ADAM23: variants seen among roughly 807,000 people sequenced by gnomAD.
The protein encoded by ADAM23 is disintegrin and metalloproteinase domain-containing protein 23.
In ADAM23, 33 loss-of-function variants were observed where a neutral mutation model predicts 120.1. That is an observed-to-expected ratio of 0.27 (90% CI 0.21 to 0.37). The LOEUF (loss-of-function observed/expected upper bound fraction) is 0.37. Among genes scored for constraint, ADAM23 ranks in the 10% least tolerant of loss-of-function variants. The pLI is 1.00. For synonymous variants in ADAM23, 367 were observed against 375.2 expected (o/e 0.98, Z 0.25); for missense variants, 862 against 1,058.2 (o/e 0.81, Z 2.57).
intron 21 of ADAM23, among the ~76,000 whole-genome samples, chr2:206,590,919 A>G (rs1329446783): frequency 6.6e-6 from 1 of 152,210 alleles, no homozygotes; most frequent in Non-Finnish European, 1.5e-5. Flanking sequence ...CATGACCTCA[A>G]AAAGTTTGAG....
At chr2:206,555,124 G>T (rs1034625459) in intron 9 of ADAM23, among the ~76,000 whole-genome samples, 1 of 151,992 alleles carries the variant, frequency 6.6e-6, no homozygotes, top group Non-Finnish European at 1.5e-5. Context: ...CTTTAAACTC[G>T]TTATTCCCTA....
intron 2 of ADAM23, among the ~76,000 whole-genome samples, chr2:206,456,338 C>T (rs1559214805): frequency 1.3e-5 from 2 of 152,068 alleles, no homozygotes; most frequent in Non-Finnish European, 2.9e-5. Flanking sequence ...GGGAAATCCA[C>T]CCCCGAGATC....
intron 24 of ADAM23, among the ~76,000 whole-genome samples, chr2:206,600,156 C>T (rs572655106): frequency 3.9e-5 from 6 of 152,208 alleles, no homozygotes; most frequent in African/African-American, 1.2e-4. Flanking sequence ...GAGCTGAGAT[C>T]GCGACACTGC....
At chr2:206,461,306 C>T (rs1695414021) in intron 2 of ADAM23, among the ~76,000 whole-genome samples, 1 of 152,114 alleles carries the variant, frequency 6.6e-6, no homozygotes, top group African/African-American at 2.4e-5. Flanking sequence ...AAGTGACCCA[C>T]CTGCCTTGGC....
At chr2:206,562,162 C>A in intron 12 of ADAM23, 41 bp from the exon 13 acceptor site, 1 of 1,535,770 alleles carries the variant, frequency 6.5e-7, no homozygotes, top group South Asian at 1.1e-5. Context: ...TTTGTGCACT[C>A]TCTCAAATGT....
chr2:206,510,100 T>C (rs1487934939), intron 3 of ADAM23, among the ~76,000 whole-genome samples: 2 of 152,238 alleles, frequency 1.3e-5, no homozygotes, highest in Non-Finnish European at 2.9e-5. Flanking sequence ...TTTTGCTTTC[T>C]AATTATGCAT....
intron 13 of ADAM23, among the ~76,000 whole-genome samples, chr2:206,563,854 C>T (rs540215775): frequency 5.4e-4 from 82 of 151,978 alleles, no homozygotes; most frequent in African/African-American, 1.7e-3. Flanking sequence ...CTCAGCCTCC[C>T]GAGTAGCCAG....
At chr2:206,563,487 C>T (rs1697812253) in intron 13 of ADAM23, among the ~76,000 whole-genome samples, 3 of 152,150 alleles carry the variant, frequency 2.0e-5, no homozygotes, top group Admixed American at 2.0e-4. Context: ...AGAGTGTTTG[C>T]TCTCCCAGGA....
chr2:206,461,135 T>C (rs2105859421), intron 2 of ADAM23, among the ~76,000 whole-genome samples: 1 of 150,844 alleles, frequency 6.6e-6, no homozygotes, highest in Admixed American at 6.6e-5. Context: ...TGATCTTGGC[T>C]CACTGCAACA....
In ADAM23 at chr2:206,617,823, ACCACCTG is replaced by A. The variant is rs1698964215; in HGVS notation, c.*197_*203del. The A allele has an allele frequency of 2.5e-6, 3 of 1,196,524 alleles. No individual in the cohort carries two copies. Among genetic ancestry groups the A allele is most frequent in the Non-Finnish European group, 3.3e-6 (3 of 911,280 alleles). 74.1% of individuals were successfully genotyped at this position (1,196,524 alleles called of 1,614,324 possible). A position where few individuals can be genotyped will look rare whatever the true frequency, so the allele number is the denominator to read the frequency against. On this transcript the variant is annotated 3_prime_UTR_variant, in exon 26 of 26. Coordinates refer to ENST00000264377, the MANE Select transcript of ADAM23 (RefSeq NM_003812.4). ...GAAATAATGTCAAAGAACACCTTTC[ACCACCTG>A]TCAGTAAACGGGGGAGGGGGCAAAA...
intron 14 of ADAM23, 55 bp from the exon 15 acceptor site, chr2:206,567,168 C>A: frequency 1.5e-6 from 2 of 1,367,562 alleles, no homozygotes; most frequent in Non-Finnish European, 2.1e-6. Flanking sequence ...TAATTTTCTT[C>A]TCTGATGATT....
intron 9 of ADAM23, among the ~76,000 whole-genome samples, chr2:206,555,811 G>C (rs568527927): frequency 1.6e-3 from 242 of 152,290 alleles, no homozygotes; most frequent in African/African-American, 5.5e-3. Flanking sequence ...ATCAGCTAAT[G>C]TTTTCTCTTT....
At chr2:206,561,270 C>T in intron 12 of ADAM23, 58 bp downstream of exon 12, 1 of 1,407,254 alleles carries the variant, frequency 7.1e-7, no homozygotes, top group South Asian at 1.2e-5. Flanking sequence ...TCCCTATGGC[C>T]CAGTTTACAT....
chr2:206,617,776 TA>T lies in ADAM23; in HGVS notation c.*153del. Reference sequence around the variant, plus strand: ...TAAAGTTGGGGTGACAAGGATGGGGTAAAAGAAAACTGTCTCTTTTGGAAAT... The same window carrying T: ...TAAAGTTGGGGTGACAAGGATGGGGTAAAGAAAACTGTCTCTTTTGGAAAT... On this transcript the variant is annotated 3_prime_UTR_variant, in exon 26 of 26. Coordinates refer to ENST00000264377, the MANE Select transcript of ADAM23 (RefSeq NM_003812.4). The T allele has an allele frequency of 9.0e-6, 13 of 1,446,446 alleles. No individual in the cohort carries two copies. Among genetic ancestry groups the T allele is most frequent in the Non-Finnish European group, 1.2e-5 (13 of 1,096,096 alleles). 89.6% of individuals were successfully genotyped at this position (1,446,446 alleles called of 1,614,324 possible). A position where few individuals can be genotyped will look rare whatever the true frequency, so the allele number is the denominator to read the frequency against.
intron 20 of ADAM23, among the ~76,000 whole-genome samples, chr2:206,588,422 G>A (rs945097894): frequency 1.3e-5 from 2 of 152,168 alleles, no homozygotes; most frequent in Admixed American, 6.5e-5. Context: ...CAAAGATTGG[G>A]TTGAGTACAG....
chr2:206,555,783 T>C (rs553704479), intron 9 of ADAM23, among the ~76,000 whole-genome samples: 1 of 152,222 alleles, frequency 6.6e-6, no homozygotes, highest in Non-Finnish European at 1.5e-5. Context: ...GTAACACCAC[T>C]GCATTAGAAG....
At chr2:206,496,866 A>G (rs1574497572) in intron 3 of ADAM23, among the ~76,000 whole-genome samples, 5 of 152,366 alleles carry the variant, frequency 3.3e-5, no homozygotes, top group Middle Eastern at 6.8e-3. Flanking sequence ...AGAGAATACT[A>G]TAAACACCTC....
intron 3 of ADAM23, among the ~76,000 whole-genome samples, chr2:206,504,268 GTTTA>G (rs1696450366): frequency 1.3e-5 from 2 of 152,088 alleles, no homozygotes; most frequent in African/African-American, 4.8e-5. Flanking sequence ...TGGTTTGCCT[GTTTA>G]ATCAGCAATA....
chr2:206,594,701 G>T (rs780432505), intron 22 of ADAM23, 36 bp from the exon 23 acceptor site: 1 of 1,611,816 alleles, frequency 6.2e-7, no homozygotes, highest in South Asian at 1.1e-5. Flanking sequence ...TCTAAGTGTG[G>T]TGCAAATAGT....
Sources: allele counts gnomAD v4.1 joint callset (sites outside exome capture counted in the v4.1 genomes callset), GRCh38; gene constraint gnomAD v4.1.1; transcripts MANE v1.5; gene names NCBI Gene and HGNC (gene_info 2026-07-23, HGNC 2026-07-21).